NCAM1: variants seen among roughly 807,000 people sequenced by gnomAD.
NCAM1 encodes antigen recognized by monoclonal antibody 5.1H11.
Under a neutral mutation model 109.8 loss-of-function variants are expected in NCAM1, and 14 were observed. The ratio of observed to expected loss-of-function variants is 0.13; its 90% CI spans 0.08 to 0.20. NCAM1 has a LOEUF of 0.20. Ranked by LOEUF, NCAM1 falls within the 10% of genes least tolerant of loss-of-function variation. The pLI is 1.00. For missense variants in NCAM1, 774 were observed against 1,109.9 expected (o/e 0.70, Z 4.30); for synonymous variants, 418 against 442.9 (o/e 0.94, Z 0.70).
At chr11:113,157,420 T>C (rs1360833655) in intron 1 of NCAM1, among the ~76,000 whole-genome samples, 1 of 152,326 alleles carries the variant, frequency 6.6e-6, no homozygotes, top group African/African-American at 2.4e-5. Flanking sequence ...TTTGGAGCAA[T>C]TGTCAATGCA....
chr11:113,252,799 C>CA (rs1945721407), intron 15 of NCAM1, among the ~76,000 whole-genome samples: 2 of 39,718 alleles, frequency 5.0e-5, no homozygotes, highest in South Asian at 4.1e-3. Context: ...CTATGCCCAG[C>CA]TTTTTTTTTT....
At chr11:113,067,984 C>T (rs1164924892) in intron 1 of NCAM1, among the ~76,000 whole-genome samples, 1 of 150,052 alleles carries the variant, frequency 6.7e-6, no homozygotes. Flanking sequence ...AATCTCGGCT[C>T]ACTGCAAGCT....
At chr11:113,018,048 G>A (rs560936260) in intron 1 of NCAM1, among the ~76,000 whole-genome samples, 1 of 152,222 alleles carries the variant, frequency 6.6e-6, no homozygotes, top group East Asian at 1.9e-4. Context: ...ACTGGGCGAG[G>A]CATAGAAATC....
intron 1 of NCAM1, among the ~76,000 whole-genome samples, chr11:113,121,225 C>CTTTT (rs3051885): frequency 0.02 from 2,479 of 125,300 alleles, 143 homozygotes; most frequent in African/African-American, 0.056. Context: ...CAACACCAAT[C>CTTTT]TTTTTTTTTT....
intron 1 of NCAM1, among the ~76,000 whole-genome samples, chr11:113,169,036 CTGTG>C (rs10562516): frequency 0.021 from 3,071 of 146,860 alleles, 78 homozygotes; most frequent in African/African-American, 0.058. Context: ...CTTCCTCTTT[CTGTG>C]TGTGTGTGTG....
intron 9 of NCAM1, among the ~76,000 whole-genome samples, chr11:113,227,556 G>C (rs1486179301): frequency 6.6e-5 from 10 of 152,142 alleles, no homozygotes; most frequent in Non-Finnish European, 1.3e-4. Flanking sequence ...AATAGAAAAA[G>C]AGGGAATCTT....
intron 1 of NCAM1, among the ~76,000 whole-genome samples, chr11:113,182,224 G>A (rs1364387699): frequency 3.3e-5 from 5 of 152,122 alleles, no homozygotes; most frequent in Admixed American, 1.3e-4. Context: ...AGTCTGTCTC[G>A]TTCTCTATTT....
At chr11:113,186,812 A>G (rs1259428121) in intron 1 of NCAM1, among the ~76,000 whole-genome samples, 2 of 152,236 alleles carry the variant, frequency 1.3e-5, no homozygotes, top group African/African-American at 4.8e-5. Flanking sequence ...AGAGCATGCA[A>G]CAGGATATTC....
At chr11:113,016,208 A>G (rs1699746848) in intron 1 of NCAM1, among the ~76,000 whole-genome samples, 1 of 152,170 alleles carries the variant, frequency 6.6e-6, no homozygotes. Flanking sequence ...CACTGAGCCA[A>G]GATCTTTCAC....
intron 1 of NCAM1, among the ~76,000 whole-genome samples, chr11:113,157,816 A>C (rs1434701884): frequency 6.6e-6 from 1 of 152,152 alleles, no homozygotes; most frequent in Non-Finnish European, 1.5e-5. Flanking sequence ...TATCTGCCTT[A>C]ATAAAAGACA....
chr11:113,098,647 C>CTT (rs2135836289), intron 1 of NCAM1, among the ~76,000 whole-genome samples: 1 of 152,148 alleles, frequency 6.6e-6, no homozygotes, highest in South Asian at 2.1e-4. Context: ...GAAGAGGCCC[C>CTT]TTTAAGTAGA....
At chr11:113,057,170 G>C (rs1469216152) in intron 1 of NCAM1, among the ~76,000 whole-genome samples, 2 of 152,270 alleles carry the variant, frequency 1.3e-5, no homozygotes, top group South Asian at 2.1e-4. Context: ...GTAATGTCAG[G>C]AATGACTTCC....
intron 1 of NCAM1, among the ~76,000 whole-genome samples, chr11:113,032,327 A>ACC (rs1291024354): frequency 6.6e-6 from 1 of 151,970 alleles, no homozygotes; most frequent in Non-Finnish European, 1.5e-5. Context: ...ACTCCCTTCC[A>ACC]CCCAGATCTC....
chr11:113,015,684 C>T (rs1331933582), intron 1 of NCAM1, among the ~76,000 whole-genome samples: 6 of 151,276 alleles, frequency 4.0e-5, no homozygotes, highest in African/African-American at 1.5e-4. Flanking sequence ...TGCAGTGAGC[C>T]GAGATCATGT....
intron 1 of NCAM1, among the ~76,000 whole-genome samples, chr11:113,064,091 G>T (rs554982601): frequency 1.3e-5 from 2 of 152,330 alleles, no homozygotes; most frequent in South Asian, 4.1e-4. Flanking sequence ...TGTAGGAATT[G>T]AAATTATTTT....
chr11:113,071,421 ATTTTTTT>A (rs66821824), intron 1 of NCAM1, among the ~76,000 whole-genome samples: 4 of 127,670 alleles, frequency 3.1e-5, no homozygotes, highest in South Asian at 5.0e-4. Context: ...TGTTGGTTGG[ATTTTTTT>A]TTTTTTTTTT....
chr11:113,185,079 T>TATATATATATATATATAGAGAGAGAG, intron 1 of NCAM1, among the ~76,000 whole-genome samples: 68 of 125,698 alleles, frequency 5.4e-4, no homozygotes, highest in African/African-American at 6.3e-4. Context: ...TATATATATA[T>TATATATATATATATATAGAGAGAGAG]AGAGAGAGAG....
intron 14 of NCAM1, among the ~76,000 whole-genome samples, chr11:113,239,689 C>A (rs1220600297): frequency 6.6e-6 from 1 of 151,994 alleles, no homozygotes; most frequent in Non-Finnish European, 1.5e-5. Flanking sequence ...TGGCACATTG[C>A]AAGTATAACT....
At chr11:113,165,830 T>G (rs76866451) in intron 1 of NCAM1, among the ~76,000 whole-genome samples, 1 of 151,306 alleles carries the variant, frequency 6.6e-6, no homozygotes, top group South Asian at 2.1e-4. Flanking sequence ...TTTTTTTTTT[T>G]GAAATGGAGT....
Sources: gnomAD v4.1 joint callset for allele counts (sites outside exome capture counted in the v4.1 genomes callset) on GRCh38, gnomAD v4.1.1 for gene constraint, MANE v1.5 for transcripts, NCBI Gene and HGNC (gene_info 2026-07-23, HGNC 2026-07-21) for gene names.